Variants in KCTD1 observed in about 807,000 individuals in gnomAD.
The protein encoded by KCTD1 is potassium channel tetramerization domain containing 1.
In KCTD1, 24 loss-of-function variants were observed where a neutral mutation model predicts 66.0. That is an observed-to-expected ratio of 0.36 (90% confidence interval 0.26 to 0.51). The LOEUF is 0.51. Among genes scored for constraint, KCTD1 ranks in the 20% least tolerant of loss-of-function variants. The probability of loss-of-function intolerance (pLI) is 0.95; values close to 1 mark genes in which losing one functional copy is unlikely to be tolerated. For synonymous variants in KCTD1, 511 were observed against 517.2 expected (o/e 0.99, Z 0.16); for missense variants, 943 against 1,205.2 (o/e 0.78, Z 3.22).
intron 1 of KCTD1, among the ~76,000 whole-genome samples, chr18:26,607,412 G>T (rs1273627495): frequency 6.6e-6 from 1 of 152,136 alleles, no homozygotes; most frequent in Non-Finnish European, 1.5e-5. Context: ...TCTCCTTTTG[G>T]CTGAGCTAGC....
intron 1 of KCTD1, among the ~76,000 whole-genome samples, chr18:26,555,307 A>G (rs1985680540): frequency 6.6e-6 from 1 of 152,230 alleles, no homozygotes; most frequent in South Asian, 2.1e-4. Context: ...TTTACTATCA[A>G]TATAAATTAA....
Position 26,491,643 on chromosome 18 carries a change from G to A in KCTD1, c.1988+9429C>T, listed in dbSNP as rs549676525. On this transcript the variant is annotated intron_variant, in intron 2 of 4. Transcript: ENST00000580059. ...ATGGTGCCATATTTGTATGACACTA[G>A]GGTAGCAAGAGTTTTGTTCACGGCA... Among the ~76,000 whole-genome samples the A allele has an allele frequency of 2.6e-4, 39 of 152,328 alleles. 1 individual carries two copies. The highest frequency in any genetic ancestry group is 4.9e-4 in the Non-Finnish European group (33 of 68,032).
chr18:26,636,011 T>C (rs901863151), intron 1 of KCTD1, among the ~76,000 whole-genome samples: 3 of 151,948 alleles, frequency 2.0e-5, no homozygotes, highest in African/African-American at 7.3e-5. Context: ...GGGGTTGTTA[T>C]GGGGTTGGGG....
intron 4 of KCTD1, chr18:26,457,859 G>A (rs1980180308): frequency 6.6e-6 from 1 of 152,202 alleles, no homozygotes; most frequent in Non-Finnish European, 1.5e-5. Context: ...ATATGACCAC[G>A]TTAATCCAGA....
intron 1 of KCTD1, among the ~76,000 whole-genome samples, chr18:26,597,716 C>T (rs1453825298): frequency 4.0e-5 from 6 of 149,104 alleles, no homozygotes; most frequent in Middle Eastern, 3.6e-3. Flanking sequence ...TGCAATGGCA[C>T]GCTCTCAGCT....
chr18:26,545,720 G>A (rs2019480), intron 1 of KCTD1: 49,842 of 151,560 alleles, frequency 0.33, 9,188 homozygotes, highest in East Asian at 0.57. Context: ...TCCTAGACTA[G>A]AGAGTGTCCA....
intron 1 of KCTD1, among the ~76,000 whole-genome samples, chr18:26,589,458 G>A (rs575586430): frequency 6.6e-6 from 1 of 152,160 alleles, no homozygotes; most frequent in Admixed American, 6.5e-5. Context: ...TGGAGCAAAG[G>A]GGCATAGGTC....
At chr18:26,641,228 G>A (rs923974509), upstream of KCTD1, among the ~76,000 whole-genome samples, 5 of 152,062 alleles carry the variant, frequency 3.3e-5, no homozygotes, top group African/African-American at 9.7e-5. Flanking sequence ...CATTTACCAC[G>A]TTTCCCCCAA....
rs190140742 is a variant in KCTD1 at position 26,653,855 on chromosome 18, C to G, written c.9+3505G>C. On this transcript the variant is annotated intron_variant, in intron 1 of 4. Transcript: ENST00000580191. The stretch of plus-strand genomic sequence containing the variant: ...TAAAATAAGCATACATGCTTGCATC[C>G]AAAAATTTCACTTTTATTCCCAAGA... Among the ~76,000 whole-genome samples the G allele has an allele frequency of 4.1e-4, 63 of 152,276 alleles. No homozygotes were observed. In the East Asian group the frequency reaches 8.9e-3, roughly 21 times the overall value.
chr18:26,625,525 G>A (rs925883028), intron 1 of KCTD1, among the ~76,000 whole-genome samples: 6 of 152,152 alleles, frequency 3.9e-5, no homozygotes, highest in Admixed American at 1.3e-4. Context: ...AGAAGGACAT[G>A]TTTGTTTCCC....
intron 1 of KCTD1, among the ~76,000 whole-genome samples, chr18:26,546,328 G>C (rs1188737343): frequency 1.3e-5 from 2 of 151,622 alleles, no homozygotes; most frequent in Non-Finnish European, 2.9e-5. Context: ...ATACGTAATA[G>C]AGTCTTTTAA....
At chr18:26,509,715 T>C (rs1983237389) in intron 1 of KCTD1, among the ~76,000 whole-genome samples, 1 of 152,166 alleles carries the variant, frequency 6.6e-6, no homozygotes, top group Admixed American at 6.5e-5. Context: ...AAAACATTTT[T>C]CTAAGTTAAG....
intron 1 of KCTD1, among the ~76,000 whole-genome samples, chr18:26,591,769 C>T (rs1397940679): frequency 2.0e-5 from 3 of 152,108 alleles, no homozygotes; most frequent in Non-Finnish European, 4.4e-5. Context: ...TTCGAACCAC[C>T]GAACTTTATA....
At chr18:26,527,776 C>T (rs897056427) in intron 1 of KCTD1, among the ~76,000 whole-genome samples, 2 of 152,138 alleles carry the variant, frequency 1.3e-5, no homozygotes, top group Admixed American at 1.3e-4. Context: ...GGGAACTCTA[C>T]ATAATTTTTG....
At position 26,547,224 on chromosome 18, in the gene KCTD1, A is replaced by G. The variant is rs2038841745; in HGVS notation, c.1313T>C (p.Leu438Pro). Residue 438 changes from leucine (L) to proline (P), a missense_variant, in exon 1 of 5, where the codon CTC becomes CCC. Coordinates refer to ENST00000580059, the MANE Select transcript of KCTD1 (RefSeq NM_001142730.3). ...CTTGGAGAGCTTGGCCGCCTTGGAG[A>G]GCATCTGCATCCGAGTGCCTAGCAA... is the stretch of plus-strand genomic sequence containing the variant. ...KNLLGTRMQM[L>P]SKAAKLSKTY... 1 of 1,551,308 alleles carries G rather than the reference A, an allele frequency of 6.4e-7. No homozygotes were observed. Among genetic ancestry groups the G allele is most frequent in the Non-Finnish European group, 8.7e-7 (1 of 1,146,972 alleles).
chr18:26,555,373 C>T (rs141626543), intron 1 of KCTD1, among the ~76,000 whole-genome samples: 288 of 152,188 alleles, frequency 1.9e-3, no homozygotes, highest in African/African-American at 6.7e-3. Flanking sequence ...TGCAATGAGC[C>T]GAGATTGCGC....
chr18:26,651,653 G>A (rs1424311149), intron 1 of KCTD1, among the ~76,000 whole-genome samples: 4 of 151,736 alleles, frequency 2.6e-5, no homozygotes, highest in Admixed American at 6.6e-5. Flanking sequence ...TCATGGTGGC[G>A]GGCACCTGTA....
chr18:26,492,331 G>A (rs1160997209), intron 2 of KCTD1, among the ~76,000 whole-genome samples: 2 of 152,036 alleles, frequency 1.3e-5, no homozygotes, highest in African/African-American at 4.8e-5. Context: ...CTGCCCCTGA[G>A]TTTGAGAACC....
At chr18:26,566,889 T>G (rs1329428667) in intron 1 of KCTD1, 2 of 150,098 alleles carry the variant, frequency 1.3e-5, no homozygotes, top group Non-Finnish European at 2.9e-5. Context: ...GATTATGATC[T>G]ATGTATCTGT....
Sources: gnomAD v4.1 joint callset for allele counts (sites outside exome capture counted in the v4.1 genomes callset) on GRCh38, gnomAD v4.1.1 for gene constraint, MANE v1.5 for transcripts, NCBI Gene and HGNC (gene_info 2026-07-23, HGNC 2026-07-21) for gene names.